Variants in ARHGEF28 observed in about 807,000 individuals in gnomAD.
The protein encoded by ARHGEF28 is 190 kDa guanine nucleotide exchange factor.
Under a neutral mutation model 206.6 loss-of-function variants are expected in ARHGEF28, and 152 were observed. The observed-to-expected ratio is 0.74, with a 90% confidence interval of 0.64 to 0.84. The LOEUF (loss-of-function observed/expected upper bound fraction) is 0.84. ARHGEF28 is among the 40% of genes least tolerant of loss of function. ARHGEF28 has a pLI of 0.00. For synonymous variants in ARHGEF28, 763 were observed against 776.4 expected, an observed-to-expected ratio of 0.98 and a Z score of 0.29; for missense variants, 2,028 against 2,073.2, an observed-to-expected ratio of 0.98 and a Z score of 0.42.
At chr5:73,716,680 G>C (rs1749609997) in intron 2 of ARHGEF28, among the ~76,000 whole-genome samples, 1 of 152,166 alleles carries the variant, frequency 6.6e-6, no homozygotes, top group Non-Finnish European at 1.5e-5. Flanking sequence ...ACCTTCTTTA[G>C]ACTTTTTCAG....
At chr5:73,743,608 A>AT (rs1167200678) in intron 2 of ARHGEF28, among the ~76,000 whole-genome samples, 1 of 152,244 alleles carries the variant, frequency 6.6e-6, no homozygotes, top group Non-Finnish European at 1.5e-5. Context: ...CATTTGAATA[A>AT]TCTTGATATT....
Position 73,813,604 on chromosome 5 carries a change from G to C in ARHGEF28, c.1024+18213G>C, listed in dbSNP as rs940755380. 9 of 1,535,648 alleles carry C rather than the reference G, an allele frequency of 5.9e-6. No homozygotes were observed. The African/African-American group carries it at 1.1e-4, about 19-fold the overall frequency. ...AAACAAAAAGATGGATTCTGACTCC[G>C]ACTCACCTTTTAACTACTCGTGGCC... On this transcript the variant is annotated intron_variant, in intron 9 of 35. Coordinates refer to ENST00000513042, the MANE Select transcript of ARHGEF28 (RefSeq NM_001177693.2).
intron 7 of ARHGEF28, among the ~76,000 whole-genome samples, chr5:73,785,194 A>T (rs566769384): frequency 2.0e-5 from 3 of 152,060 alleles, no homozygotes; most frequent in Admixed American, 2.0e-4. Context: ...TGTATATGAA[A>T]CTCCCACTTT....
intron 2 of ARHGEF28, among the ~76,000 whole-genome samples, chr5:73,739,053 T>C (rs1011895790): frequency 3.9e-5 from 6 of 152,134 alleles, no homozygotes. Context: ...TTAGTTGTCT[T>C]CCCATAAGAC....
intron 2 of ARHGEF28, among the ~76,000 whole-genome samples, chr5:73,730,534 A>ATTTTTTTT (rs968990208): frequency 8.5e-6 from 1 of 117,394 alleles, no homozygotes; most frequent in East Asian, 2.3e-4. Context: ...CATAAGGAGG[A>ATTTTTTTT]TTTTTTTTTT....
intron 1 of ARHGEF28, among the ~76,000 whole-genome samples, chr5:73,654,359 A>G (rs1242606514): frequency 1.3e-5 from 2 of 152,180 alleles, no homozygotes; most frequent in Non-Finnish European, 2.9e-5. Context: ...GGCTCTCAAC[A>G]CCAGCCTCAA....
intron 2 of ARHGEF28, among the ~76,000 whole-genome samples, chr5:73,688,544 A>G (rs1241222059): frequency 1.3e-5 from 2 of 152,082 alleles, no homozygotes; most frequent in Non-Finnish European, 2.9e-5. Flanking sequence ...AACATTTTTT[A>G]TTTTTCTTTT....
At chr5:73,868,259 G>GT in intron 20 of ARHGEF28, 32 bp downstream of exon 20, 2 of 1,528,608 alleles carry the variant, frequency 1.3e-6, no homozygotes, top group Non-Finnish European at 1.8e-6. Flanking sequence ...ATTTATTTGT[G>GT]TTTTTGTTAG....
chr5:73,891,308 G>GCTGGGCTTCTGAGTTT (rs1413855958), intron 26 of ARHGEF28, among the ~76,000 whole-genome samples: 1 of 152,072 alleles, frequency 6.6e-6, no homozygotes, highest in Non-Finnish European at 1.5e-5. Flanking sequence ...TAGTCCATGG[G>GCTGGGCTTCTGAGTTT]CTGGGCTTCT....
intron 30 of ARHGEF28, chr5:73,900,086 C>G (rs1580070548): frequency 1.3e-5 from 2 of 152,188 alleles, no homozygotes; most frequent in African/African-American, 4.8e-5. Context: ...TCAGCTTGAA[C>G]AAAATGGACT....
chr5:73,744,451 A>T (rs189496033), intron 2 of ARHGEF28, among the ~76,000 whole-genome samples: 2 of 152,182 alleles, frequency 1.3e-5, no homozygotes, highest in Admixed American at 6.5e-5. Flanking sequence ...ATAAAATGGG[A>T]TAATAACCAT....
chr5:73,686,985 T>A (rs998638957), intron 2 of ARHGEF28, among the ~76,000 whole-genome samples: 4 of 152,196 alleles, frequency 2.6e-5, no homozygotes, highest in African/African-American at 9.6e-5. Flanking sequence ...TTTCTTCTCA[T>A]TTTAACATCT....
chr5:73,804,633 G>A (rs1232380410), intron 9 of ARHGEF28, among the ~76,000 whole-genome samples: 4 of 151,982 alleles, frequency 2.6e-5, no homozygotes, highest in Admixed American at 2.6e-4. Flanking sequence ...GATCCCATTA[G>A]GATCAAGCTG....
chr5:73,738,026 G>A (rs1751115743), intron 2 of ARHGEF28, among the ~76,000 whole-genome samples: 2 of 152,220 alleles, frequency 1.3e-5, no homozygotes, highest in South Asian at 2.1e-4. Context: ...TTTAACAAAG[G>A]TGACGGGAGC....
At chr5:73,806,779 CAT>C (rs1755523537) in intron 9 of ARHGEF28, among the ~76,000 whole-genome samples, 1 of 133,528 alleles carries the variant, frequency 7.5e-6, no homozygotes, top group Non-Finnish European at 1.6e-5. Flanking sequence ...CTATATGTGC[CAT>C]ATATATGATA....
intron 9 of ARHGEF28, among the ~76,000 whole-genome samples, chr5:73,820,058 C>A (rs1041141084): frequency 3.2e-4 from 48 of 152,152 alleles, no homozygotes; most frequent in African/African-American, 1.1e-3. Flanking sequence ...ACATCTCCAG[C>A]ACTTGGATCC....
chr5:73,897,621 A>G, intron 29 of ARHGEF28, among the ~76,000 whole-genome samples: 1 of 152,362 alleles, frequency 6.6e-6, no homozygotes, highest in Admixed American at 6.5e-5. Context: ...ATTTTAATAT[A>G]ATGGTTTATA....
At chr5:73,791,937 G>A (rs1321469619) in intron 7 of ARHGEF28, among the ~76,000 whole-genome samples, 1 of 152,164 alleles carries the variant, frequency 6.6e-6, no homozygotes, top group Non-Finnish European at 1.5e-5. Context: ...ATAGCAATGA[G>A]TGGTTTGATT....
At chr5:73,848,377 C>T (rs1758493759) in intron 12 of ARHGEF28, among the ~76,000 whole-genome samples, 3 of 152,066 alleles carry the variant, frequency 2.0e-5, no homozygotes, top group Admixed American at 2.0e-4. Context: ...TTAGTGATAT[C>T]CAAACATCCA....
Sources: allele counts gnomAD v4.1 joint callset (sites outside exome capture counted in the v4.1 genomes callset), GRCh38; gene constraint gnomAD v4.1.1; transcripts MANE v1.5; gene names NCBI Gene and HGNC (gene_info 2026-07-23, HGNC 2026-07-21).